The following ERO1B variants were observed in gnomAD, a reference collection of about 807,000 sequenced individuals.
ERO1B encodes endoplasmic reticulum oxidoreductase 1 beta.
Under a neutral mutation model 75.3 loss-of-function variants are expected in ERO1B, and 49 were observed. The ratio of observed to expected loss-of-function variants is 0.65; its 90% CI spans 0.52 to 0.83. The LOEUF (loss-of-function observed/expected upper bound fraction) is 0.83, where lower values mean the gene tolerates loss of function less well. Among genes scored for constraint, ERO1B ranks in the 40% least tolerant of loss-of-function variants. The probability of loss-of-function intolerance (pLI) is 0.00; values close to 1 mark genes in which losing one functional copy is unlikely to be tolerated. For synonymous variants in ERO1B, 191 were observed against 192.9 expected (o/e 0.99, Z 0.08); for missense variants, 512 against 560.1 (o/e 0.91, Z 0.87).
Position 236,222,915 on chromosome 1 carries a change from T to C in ERO1B, c.1123-905A>G, listed in dbSNP as rs138271857. Among the ~76,000 whole-genome samples the C allele has an allele frequency of 2.7e-4, 41 of 152,206 alleles. 2 individuals are homozygous for C. The East Asian group carries it at 5.4e-3, about 20-fold the overall frequency. On this transcript the variant is annotated intron_variant, in intron 13 of 15. Transcript: ENST00000354619. ...ATCCCTCTATTTTGCTGTAATAGTT[T>C]CCCACACTGGTCAGGCAGGGTGGCT...
At chr1:236,258,149 C>CAGAAAAAAAAAAAAAAAAAAA (rs71559929) in intron 2 of ERO1B, among the ~76,000 whole-genome samples, 1 of 96,568 alleles carries the variant, frequency 1.0e-5, no homozygotes, top group Non-Finnish European at 1.9e-5. Flanking sequence ...AAAAACAAAG[C>CAGAAAAAAAAAAAAAAAAAAA]AAAAAAAAAA....
chr1:236,277,750 G>C (rs1300235096), intron 1 of ERO1B, among the ~76,000 whole-genome samples: 1 of 151,988 alleles, frequency 6.6e-6, no homozygotes, highest in South Asian at 2.1e-4. Context: ...TAAGGAGAAA[G>C]AAAAAAGACA....
At chr1:236,281,070 T>C (rs976543374) in intron 1 of ERO1B, among the ~76,000 whole-genome samples, 5 of 152,182 alleles carry the variant, frequency 3.3e-5, no homozygotes, top group Non-Finnish European at 7.3e-5. Context: ...CAGTCTCGTA[T>C]TGGGACTTAC....
chr1:236,273,977 C>A (rs1213138545), intron 1 of ERO1B, among the ~76,000 whole-genome samples: 6 of 136,408 alleles, frequency 4.4e-5, no homozygotes. Flanking sequence ...TGAGCCATAT[C>A]CTATTTTTTT....
intron 2 of ERO1B, among the ~76,000 whole-genome samples, chr1:236,268,438 TA>T (rs201868068): frequency 1.0e-4 from 15 of 147,380 alleles, no homozygotes; most frequent in Non-Finnish European, 2.1e-4. Context: ...AGACCCTGTC[TA>T]AAAAAAAACA....
At chr1:236,225,244 T>A in intron 12 of ERO1B, 105 bp from the exon 13 acceptor site, 1 of 1,043,862 alleles carries the variant, frequency 9.6e-7, no homozygotes, top group Non-Finnish European at 1.4e-6. Context: ...TAAAATTCAT[T>A]ATTTACTCCG....
At chr1:236,236,006 C>T (rs886622505) in intron 7 of ERO1B, among the ~76,000 whole-genome samples, 171 bp from the exon 8 acceptor site, 2 of 151,922 alleles carry the variant, frequency 1.3e-5, no homozygotes, top group African/African-American at 4.8e-5. Flanking sequence ...CTCATTGTAA[C>T]CTCTGCCTCC....
intron 2 of ERO1B, among the ~76,000 whole-genome samples, chr1:236,256,244 A>C (rs1665156057): frequency 6.6e-6 from 1 of 152,146 alleles, no homozygotes; most frequent in Non-Finnish European, 1.5e-5. Context: ...AGAAGGAGGC[A>C]AGGGGACCTC....
At chr1:236,243,195 T>C (rs1664753578) in intron 6 of ERO1B, among the ~76,000 whole-genome samples, 1 of 152,150 alleles carries the variant, frequency 6.6e-6, no homozygotes, top group Non-Finnish European at 1.5e-5. Flanking sequence ...AGATATGAAA[T>C]AATACACACT....
Position 236,220,672 on chromosome 1 carries a change from T to C in ERO1B, c.1343+160A>G, listed in dbSNP as rs527506582. The C allele has an allele frequency of 1.2e-5, 7 of 574,380 alleles. 1 individual carries two copies. The highest frequency in any genetic ancestry group is 6.7e-5 in the Admixed American group (2 of 29,682). The allele number at this position is 574,380 out of a possible 1,614,324, so 35.6% of individuals were successfully genotyped here. On this transcript the variant is annotated intron_variant, in intron 15 of 15. Coordinates refer to ENST00000354619, the MANE Select transcript of ERO1B (RefSeq NM_019891.4). ...TTTTTCCTATGACCTGTAGAGAAAC[T>C]GACTTGTCAGCATTAAGGCCTCTCT... is the stretch of plus-strand genomic sequence containing the variant.
chr1:236,218,436 T>C lies in ERO1B; in HGVS notation c.*80A>G. On this transcript the variant is annotated 3_prime_UTR_variant, in exon 16 of 16. Coordinates refer to ENST00000354619, the MANE Select transcript of ERO1B (RefSeq NM_019891.4). ...TTCAGAATTCTTGAAGTCAGATTAG[T>C]GTCTTTCTGATGAATGTCCATAATT... 1 of 1,301,038 alleles carries C rather than the reference T, an allele frequency of 7.7e-7. No individual in the cohort carries two copies. Among genetic ancestry groups the C allele is most frequent in the Non-Finnish European group, 1.0e-6 (1 of 1,004,770 alleles). 80.6% of individuals were successfully genotyped at this position (1,301,038 alleles called of 1,614,324 possible). A position where few individuals can be genotyped will look rare whatever the true frequency, so the allele number is the denominator to read the frequency against.
rs117753894 is a variant in ERO1B, at chr1:236,229,885, G to A, written c.712+339C>T. Among the ~76,000 whole-genome samples the A allele has an allele frequency of 5.7e-4, 87 of 152,162 alleles. No homozygotes were observed. The East Asian group carries it at 0.013, about 23-fold the overall frequency. On this transcript the variant is annotated intron_variant, in intron 10 of 15. Transcript: ENST00000354619. ...ATATAAAAAGTACTTCCTTCCAAAA[G>A]GAATGTCTCCACTTTTAAAATATTT...
intron 2 of ERO1B, among the ~76,000 whole-genome samples, chr1:236,263,923 T>C (rs542652158): frequency 6.6e-6 from 1 of 151,676 alleles, no homozygotes; most frequent in African/African-American, 2.4e-5. Context: ...CATGCCTGGC[T>C]TCATTGCTAA....
intron 1 of ERO1B, among the ~76,000 whole-genome samples, chr1:236,278,992 A>G (rs1665765338): frequency 6.6e-6 from 1 of 152,188 alleles, no homozygotes; most frequent in Admixed American, 6.5e-5. Context: ...GCTGAATTCC[A>G]CTTTTTGATT....
chr1:236,226,628 G>T lies in ERO1B; in HGVS notation c.805+19C>A, dbSNP rs757019994. ...TTACACTAATAGAAGGCAAAATCTC[G>T]ACTTAAAAATATGATTACCTTCCAA... is the stretch of plus-strand genomic sequence containing the variant. On this transcript the variant is annotated intron_variant, in intron 11 of 15. Coordinates refer to ENST00000354619, the MANE Select transcript of ERO1B (RefSeq NM_019891.4). 1 of 1,602,062 alleles carries T rather than the reference G, an allele frequency of 6.2e-7. No individual in the cohort carries two copies. Among genetic ancestry groups the T allele is most frequent in the South Asian group, 1.1e-5 (1 of 87,776 alleles).
At chr1:236,247,299 A>G (rs538103796) in intron 5 of ERO1B, among the ~76,000 whole-genome samples, 53 of 152,266 alleles carry the variant, frequency 3.5e-4, no homozygotes, top group African/African-American at 1.2e-3. Context: ...TTTGACTATA[A>G]CTTTGTCTCA....
chr1:236,252,802 C>A (rs1279115849), intron 3 of ERO1B, among the ~76,000 whole-genome samples: 1 of 151,874 alleles, frequency 6.6e-6, no homozygotes, highest in Non-Finnish European at 1.5e-5. Flanking sequence ...TTTTTAAGGA[C>A]AACAAACTAG....
Position 236,263,778 on chromosome 1 carries a change from C to CTTTTTT in ERO1B, c.222+6091_222+6096dup. ...TATATTTTTTGTTTTATTTTGTTTG[C>CTTTTTT]TTTTTTTTTTTTTTTTTTTTTTTTT... On this transcript the variant is annotated intron_variant, in intron 2 of 15. Transcript: ENST00000354619. Among the ~76,000 whole-genome samples the CTTTTTT allele has an allele frequency of 3.6e-3, 292 of 80,236 alleles. 19 individuals are homozygous for CTTTTTT. Among genetic ancestry groups the CTTTTTT allele is most frequent in the Non-Finnish European group, 4.9e-3 (194 of 39,720 alleles). The allele number at this position is 80,236 out of a possible 152,430, so 52.6% of individuals were successfully genotyped here.
chr1:236,237,524 A>C (rs1300366167), intron 6 of ERO1B, among the ~76,000 whole-genome samples: 1 of 152,234 alleles, frequency 6.6e-6, no homozygotes, highest in Non-Finnish European at 1.5e-5. Flanking sequence ...TTTCATAGCT[A>C]AAGAAAAATT....
Sources: allele counts gnomAD v4.1 joint callset (sites outside exome capture counted in the v4.1 genomes callset), GRCh38; gene constraint gnomAD v4.1.1; transcripts MANE v1.5; gene names NCBI Gene and HGNC (gene_info 2026-07-23, HGNC 2026-07-21).